The following PRKCE variants were observed in gnomAD, a reference collection of about 807,000 sequenced individuals.
PRKCE encodes the protein protein kinase C epsilon.
PRKCE carries 16 observed loss-of-function variants against 85.4 expected under a neutral mutation model. The ratio of observed to expected loss-of-function variants is 0.19; its 90% CI spans 0.13 to 0.28. The LOEUF is 0.28. PRKCE is among the 10% of genes least tolerant of loss of function. The probability of loss-of-function intolerance (pLI) is 1.00; values close to 1 mark genes in which losing one functional copy is unlikely to be tolerated. For missense variants in PRKCE, 573 were observed against 975.2 expected, an observed-to-expected ratio of 0.59 and a Z score of 5.49; for synonymous variants, 388 against 371.5, an observed-to-expected ratio of 1.04 and a Z score of -0.51.
chr2:46,169,182 G>C (rs1258911765), intron 14 of PRKCE, among the ~76,000 whole-genome samples: 1 of 152,170 alleles, frequency 6.6e-6, no homozygotes, highest in African/African-American at 2.4e-5. Context: ...AGACACTCTG[G>C]GGAATCCAGT....
chr2:45,979,206 C>T (rs1039090541), intron 4 of PRKCE, among the ~76,000 whole-genome samples, 196 bp downstream of exon 4: 3 of 152,220 alleles, frequency 2.0e-5, no homozygotes, highest in African/African-American at 7.2e-5. Context: ...TGCCACCTGT[C>T]TCCAGGCGTC....
intron 14 of PRKCE, among the ~76,000 whole-genome samples, chr2:46,183,633 G>A (rs1413754989): frequency 6.6e-6 from 1 of 152,182 alleles, no homozygotes; most frequent in Middle Eastern, 3.2e-3. Context: ...GCCGCACTCT[G>A]CCCCTGCAGC....
rs148601274 is a variant in PRKCE at position 45,955,847 on chromosome 2, A to G, written c.413-20582A>G. On this transcript the variant is annotated intron_variant, in intron 2 of 14. Coordinates refer to ENST00000306156, the MANE Select transcript of PRKCE (RefSeq NM_005400.3). ...CATACAGTAAACTTCACCTTTTAGC[A>G]TATAGTTATTTGAGTTTTGACAATT... Among the ~76,000 whole-genome samples, 19 of 152,306 alleles carry G rather than the reference A, an allele frequency of 1.2e-4. No homozygotes were observed. In the East Asian group the frequency reaches 3.1e-3, roughly 25 times the overall value.
At chr2:46,178,385 C>A (rs1679645906) in intron 14 of PRKCE, among the ~76,000 whole-genome samples, 2 of 152,176 alleles carry the variant, frequency 1.3e-5, no homozygotes, top group African/African-American at 4.8e-5. Flanking sequence ...ATGAACATTT[C>A]TTGGCTAACA....
At chr2:46,115,268 G>A (rs1341632338) in intron 11 of PRKCE, among the ~76,000 whole-genome samples, 4 of 152,182 alleles carry the variant, frequency 2.6e-5, no homozygotes, top group Non-Finnish European at 5.9e-5. Context: ...ATTTCCATAG[G>A]ACAGACATTC....
chr2:45,966,013 C>T (rs1309726002), intron 2 of PRKCE, among the ~76,000 whole-genome samples: 1 of 151,986 alleles, frequency 6.6e-6, no homozygotes, highest in East Asian at 1.9e-4. Flanking sequence ...TGATCAGCAG[C>T]TGACAGGAAA....
intron 11 of PRKCE, among the ~76,000 whole-genome samples, chr2:46,142,372 C>T (rs559354560): frequency 1.4e-4 from 21 of 152,282 alleles, no homozygotes; most frequent in African/African-American, 4.6e-4. Flanking sequence ...TTCTGGCTCC[C>T]GGAAGTCTTT....
chr2:45,784,635 T>A (rs139154662), intron 1 of PRKCE, among the ~76,000 whole-genome samples: 35 of 151,590 alleles, frequency 2.3e-4, no homozygotes, highest in African/African-American at 7.7e-4. Context: ...TAGCTTTTTG[T>A]TTTTTTTTAA....
At chr2:45,975,264 C>T (rs900898091) in intron 2 of PRKCE, among the ~76,000 whole-genome samples, 4 of 152,178 alleles carry the variant, frequency 2.6e-5, no homozygotes, top group Admixed American at 2.6e-4. Flanking sequence ...CTTGCCAGAG[C>T]GTAAGCCCAC....
At chr2:46,014,515 T>C (rs1047949734) in intron 10 of PRKCE, among the ~76,000 whole-genome samples, 3 of 152,208 alleles carry the variant, frequency 2.0e-5, no homozygotes, top group African/African-American at 7.2e-5. Flanking sequence ...AGAAGACTTT[T>C]AAGTGGGTAA....
At chr2:46,090,248 G>A (rs1048977281) in intron 11 of PRKCE, among the ~76,000 whole-genome samples, 2 of 152,128 alleles carry the variant, frequency 1.3e-5, no homozygotes, top group African/African-American at 4.8e-5. Context: ...TTTAAAAAAA[G>A]TGTTCTCTAG....
chr2:46,092,573 C>T (rs1008439091), intron 11 of PRKCE, among the ~76,000 whole-genome samples: 3 of 152,158 alleles, frequency 2.0e-5, no homozygotes, highest in African/African-American at 7.2e-5. Flanking sequence ...GAGCAAGGAA[C>T]AAAAATCCAG....
chr2:46,143,938 G>T (rs1263495233), intron 11 of PRKCE, among the ~76,000 whole-genome samples: 2 of 152,188 alleles, frequency 1.3e-5, no homozygotes, highest in African/African-American at 4.8e-5. Context: ...TTCACATCTT[G>T]ACGCCAGCAG....
At chr2:45,916,159 C>A (rs1697755430) in intron 2 of PRKCE, among the ~76,000 whole-genome samples, 2 of 149,214 alleles carry the variant, frequency 1.3e-5, no homozygotes, top group African/African-American at 4.9e-5. Context: ...CTTACTTTTC[C>A]TTTAAAATTT....
chr2:46,093,669 C>T lies in PRKCE; in HGVS notation c.1592+7307C>T, dbSNP rs139527811. Among the ~76,000 whole-genome samples, 995 of 152,018 alleles carry T rather than the reference C, an allele frequency of 6.5e-3. 10 individuals carry two copies. Among genetic ancestry groups the T allele is most frequent in the African/African-American group, 0.023 (940 of 41,454 alleles). On this transcript the variant is annotated intron_variant, in intron 11 of 14. Coordinates refer to ENST00000306156, the MANE Select transcript of PRKCE (RefSeq NM_005400.3). ...TCAGCCTCCCAAATTGCTGGGATTA[C>T]ACAGGCATGAACCATGGCACCTAGC...
intron 11 of PRKCE, among the ~76,000 whole-genome samples, chr2:46,098,713 T>G (rs925631981): frequency 5.9e-5 from 9 of 152,252 alleles, no homozygotes; most frequent in African/African-American, 2.2e-4. Context: ...CAACAGCCAG[T>G]ACTGAATGCT....
intron 2 of PRKCE, among the ~76,000 whole-genome samples, chr2:45,930,479 T>C (rs1202101683): frequency 6.6e-6 from 1 of 152,242 alleles, no homozygotes; most frequent in Admixed American, 6.5e-5. Flanking sequence ...CCCTCTCCAG[T>C]CACCACTGTG....
intron 2 of PRKCE, among the ~76,000 whole-genome samples, chr2:45,961,596 C>T (rs1235151213): frequency 6.6e-6 from 1 of 152,192 alleles, no homozygotes; most frequent in African/African-American, 2.4e-5. Flanking sequence ...TTTAGACTTT[C>T]AGTTCAGGAG....
At chr2:45,815,803 A>G (rs1688995823) in intron 1 of PRKCE, among the ~76,000 whole-genome samples, 1 of 152,198 alleles carries the variant, frequency 6.6e-6, no homozygotes, top group Non-Finnish European at 1.5e-5. Context: ...CTCCTTTTAG[A>G]ACTAGTAGAT....
Sources: gnomAD v4.1 joint callset for allele counts (sites outside exome capture counted in the v4.1 genomes callset) on GRCh38, gnomAD v4.1.1 for gene constraint, MANE v1.5 for transcripts, NCBI Gene and HGNC (gene_info 2026-07-23, HGNC 2026-07-21) for gene names.